Variants in PRDX6 observed in about 807,000 individuals in gnomAD.
PRDX6 encodes peroxiredoxin-6.
In PRDX6, 13 loss-of-function variants were observed where a neutral mutation model predicts 20.0. The observed-to-expected ratio is 0.65, with a 90% CI of 0.42 to 1.03. PRDX6 has a LOEUF of 1.03. Ranked by LOEUF, PRDX6 falls within the 50% of genes least tolerant of loss-of-function variation. The probability of loss-of-function intolerance (pLI) is 0.00; values close to 1 mark genes in which losing one functional copy is unlikely to be tolerated. For synonymous variants in PRDX6, 85 were observed against 100.8 expected (o/e 0.84, Z 0.94); for missense variants, 203 against 276.9 (o/e 0.73, Z 1.89).
At chr1:173,486,230 A>G in intron 3 of PRDX6, 25 bp from the exon 4 acceptor site, 1 of 1,561,950 alleles carries the variant, frequency 6.4e-7, no homozygotes, top group Non-Finnish European at 8.6e-7. Context: ...AACTCTTCCT[A>G]TTTATGCCCC....
chr1:173,488,116 T>G lies in PRDX6; in HGVS notation c.*253T>G. The G allele has an allele frequency of 2.4e-6, 1 of 415,134 alleles. No homozygotes were observed. Among genetic ancestry groups the G allele is most frequent in the Non-Finnish European group, 4.3e-6 (1 of 230,876 alleles). 25.7% of individuals were successfully genotyped at this position (415,134 alleles called of 1,614,324 possible). On this transcript the variant is annotated 3_prime_UTR_variant, in exon 5 of 5. Coordinates refer to ENST00000340385, the MANE Select transcript of PRDX6 (RefSeq NM_004905.3). ...TTGAAATATGTTCTGTATTTAAAAC[T>G]CAAATCTTGTTGGATCTCTGCAGGG...
intron 1 of PRDX6, among the ~76,000 whole-genome samples, chr1:173,478,987 G>T (rs371862931): frequency 6.6e-6 from 1 of 152,120 alleles, no homozygotes; most frequent in African/African-American, 2.4e-5. Context: ...CAATCCTTGG[G>T]ATTTTTAGAG....
Position 173,488,700 on chromosome 1 carries a change from G to T in PRDX6, c.*837G>T, listed in dbSNP as rs543267940. 1 of 152,226 alleles carries T rather than the reference G, an allele frequency of 6.6e-6. No individual in the cohort carries two copies. Among genetic ancestry groups the T allele is most frequent in the Admixed American group, 6.5e-5 (1 of 15,284 alleles). 9.4% of individuals were successfully genotyped at this position (152,226 alleles called of 1,614,324 possible). On this transcript the variant is annotated 3_prime_UTR_variant, in exon 5 of 5. Coordinates refer to ENST00000340385, the MANE Select transcript of PRDX6 (RefSeq NM_004905.3). ...GAAAGAGTACACCATGTGAAGAGAA[G>T]AGAGAATGATTGAAAATGTTTTAGT...
Position 173,485,366 on chromosome 1 carries a change from C to A in PRDX6, c.258C>A (p.Ile86=). 6.3e-7 allele frequency: 1 copy of A among 1,583,384 alleles called. No individual in the cohort carries two copies. The highest frequency in any genetic ancestry group is 8.6e-7 in the Non-Finnish European group (1 of 1,162,864). The change falls in exon 3 of 5, where the codon ATC becomes ATA. Residue 86 remains isoleucine, a synonymous_variant. Coordinates refer to ENST00000340385, the MANE Select transcript of PRDX6 (RefSeq NM_004905.3). The part of the protein sequence containing the change: ...VEDHLAWSKD[I]NAYNCEEPTE... Reference sequence around the variant, plus strand: ...CCCTTTTACTTGTGTTTCAGGATATCAATGCTTACAATTGTGAAGAGCCCA... The same window carrying A: ...CCCTTTTACTTGTGTTTCAGGATATAAATGCTTACAATTGTGAAGAGCCCA...
chr1:173,482,916 G>A (rs1658828442), intron 2 of PRDX6, among the ~76,000 whole-genome samples: 1 of 152,168 alleles, frequency 6.6e-6, no homozygotes, highest in South Asian at 2.1e-4. Context: ...CAGAGAGTTG[G>A]AGGGACTTGC....
rs1396878518 is a variant in PRDX6, at chr1:173,488,578, C to T, written c.*715C>T. 6.6e-6 allele frequency: 1 copy of T among 152,184 alleles called. No individual in the cohort carries two copies. Among genetic ancestry groups the T allele is most frequent in the Admixed American group, 6.6e-5 (1 of 15,262 alleles). The allele number at this position is 152,184 out of a possible 1,614,324, so 9.4% of individuals were successfully genotyped here. A position where few individuals can be genotyped will look rare whatever the true frequency, so the allele number is the denominator to read the frequency against. On this transcript the variant is annotated 3_prime_UTR_variant, in exon 5 of 5. Coordinates refer to ENST00000340385, the MANE Select transcript of PRDX6 (RefSeq NM_004905.3). ...AGATTGCAGAAAAGGCTTCCCTTGG[C>T]TCCCAAGGAGGTGTAGCAGGTGTGA...
chr1:173,477,538 A>G, intron 1 of PRDX6, 46 bp downstream of exon 1: 1 of 1,467,562 alleles, frequency 6.8e-7, no homozygotes, highest in Non-Finnish European at 9.4e-7. Flanking sequence ...GTTGCGCCGG[A>G]CTCGGAGGTG....
At chr1:173,478,060 A>G (rs1448440524) in intron 1 of PRDX6, among the ~76,000 whole-genome samples, 1 of 152,230 alleles carries the variant, frequency 6.6e-6, no homozygotes, top group South Asian at 2.1e-4. Flanking sequence ...CCAACGTATC[A>G]TCTGAGGGTG....
At position 173,488,737 on chromosome 1, in the gene PRDX6, C is replaced by G. The variant is rs1197848531; in HGVS notation, c.*874C>G. On this transcript the variant is annotated 3_prime_UTR_variant, in exon 5 of 5. Transcript: ENST00000340385. ...GAAAATGTTTTAGTATAGAACTCTT[C>G]TTGCAGTGGGTTGCTATTTTCTAGA... 1 of 152,182 alleles carries G rather than the reference C, an allele frequency of 6.6e-6. No individual in the cohort carries two copies. Among genetic ancestry groups the G allele is most frequent in the Non-Finnish European group, 1.5e-5 (1 of 68,026 alleles). 9.4% of individuals were successfully genotyped at this position (152,182 alleles called of 1,614,324 possible). A position where few individuals can be genotyped will look rare whatever the true frequency, so the allele number is the denominator to read the frequency against.
Position 173,485,521 on chromosome 1 carries a change from A to G in PRDX6, c.399+14A>G. The G allele has an allele frequency of 6.3e-7, 1 of 1,574,950 alleles. No individual in the cohort carries two copies. Among genetic ancestry groups the G allele is most frequent in the South Asian group, 1.2e-5 (1 of 86,498 alleles). On this transcript the variant is annotated intron_variant, in intron 3 of 4. Coordinates refer to ENST00000340385, the MANE Select transcript of PRDX6 (RefSeq NM_004905.3). Reference sequence around the variant, plus strand: ...ACAGCTCGTGTGGTAGGTCATACAAATTCATTTTGTAGTTAGCTTAACTGA... The same window carrying G: ...ACAGCTCGTGTGGTAGGTCATACAAGTTCATTTTGTAGTTAGCTTAACTGA...
At chr1:173,486,211 C>T in intron 3 of PRDX6, 44 bp from the exon 4 acceptor site, 4 of 1,506,730 alleles carry the variant, frequency 2.7e-6, no homozygotes, top group Non-Finnish European at 3.6e-6. Flanking sequence ...GCTTTAATAA[C>T]ACTCAAAGAA....
intron 2 of PRDX6, 77 bp from the exon 3 acceptor site, chr1:173,485,284 G>A: frequency 5.1e-6 from 7 of 1,371,432 alleles, no homozygotes; most frequent in Admixed American, 2.4e-5. Context: ...GTCTTGCAAG[G>A]TGATGGCTGT....
chr1:173,481,241 TGATCCAGAAG>T, intron 1 of PRDX6, 75 bp from the exon 2 acceptor site: 1 of 1,326,952 alleles, frequency 7.5e-7, no homozygotes. Context: ...AGCCTGTTTT[TGATCCAGAAG>T]TTGTGACTTT....
rs1277302017 is a variant in PRDX6 at position 173,487,940 on chromosome 1, C to A, written c.*77C>A. ...TGTTTTCCTGCAGCAATTCCATAAA[C>A]ACATCCTGGTGTCATCACAGCCAAG... On this transcript the variant is annotated 3_prime_UTR_variant, in exon 5 of 5. Coordinates refer to ENST00000340385, the MANE Select transcript of PRDX6 (RefSeq NM_004905.3). The A allele has an allele frequency of 3.2e-6, 5 of 1,579,650 alleles. No homozygotes were observed. The highest frequency in any genetic ancestry group is 4.3e-6 in the Non-Finnish European group (5 of 1,157,630).
intron 2 of PRDX6, among the ~76,000 whole-genome samples, chr1:173,483,266 A>G (rs1028952653): frequency 2.6e-5 from 4 of 152,250 alleles, no homozygotes; most frequent in Admixed American, 2.6e-4. Context: ...GAATAGGAAA[A>G]AAGTCTGAAC....
At chr1:173,487,655 A>G in intron 4 of PRDX6, 80 bp from the exon 5 acceptor site, 1 of 1,506,614 alleles carries the variant, frequency 6.6e-7, no homozygotes, top group Non-Finnish European at 9.1e-7. Flanking sequence ...ACCTGTAGCT[A>G]CTTTTCTAAA....
At chr1:173,481,618 A>C in intron 2 of PRDX6, 136 bp downstream of exon 2, 1 of 907,638 alleles carries the variant, frequency 1.1e-6, no homozygotes, top group Non-Finnish European at 1.7e-6. Context: ...ATTTCAGTTG[A>C]ACCACACAGT....
At chr1:173,480,663 T>C (rs947231707) in intron 1 of PRDX6, among the ~76,000 whole-genome samples, 3 of 152,184 alleles carry the variant, frequency 2.0e-5, no homozygotes, top group African/African-American at 7.2e-5. Flanking sequence ...AATGAAGAGA[T>C]AGGTAAAACT....
chr1:173,486,217 A>G, intron 3 of PRDX6, 38 bp from the exon 4 acceptor site: 2 of 1,538,048 alleles, frequency 1.3e-6, no homozygotes, highest in African/African-American at 2.8e-5. Context: ...ATAACACTCA[A>G]AGAACTCTTC....
Sources: allele counts gnomAD v4.1 joint callset (sites outside exome capture counted in the v4.1 genomes callset), GRCh38; gene constraint gnomAD v4.1.1; transcripts MANE v1.5; gene names NCBI Gene and HGNC (gene_info 2026-07-23, HGNC 2026-07-21).